The following SAMD12 variants were observed in gnomAD, a reference collection of about 807,000 sequenced individuals.
SAMD12 encodes sterile alpha motif domain containing 12, also known as sterile alpha motif domain-containing protein 12.
Under a neutral mutation model 15.0 loss-of-function variants are expected in SAMD12, and 9 were observed. The observed-to-expected ratio is 0.60, with a 90% CI of 0.36 to 1.05. The LOEUF (loss-of-function observed/expected upper bound fraction) is 1.05, where lower values mean the gene tolerates loss of function less well. Among genes scored for constraint, SAMD12 ranks in the 50% least tolerant of loss-of-function variants. The probability of loss-of-function intolerance (pLI) is 0.01; values close to 1 mark genes in which losing one functional copy is unlikely to be tolerated. For synonymous variants in SAMD12, 86 were observed against 90.1 expected (o/e 0.96, Z 0.25); for missense variants, 230 against 234.2 (o/e 0.98, Z 0.12).
At chr8:118,322,014 G>C (rs1816310432) in intron 4 of SAMD12, among the ~76,000 whole-genome samples, 1 of 152,054 alleles carries the variant, frequency 6.6e-6, no homozygotes, top group African/African-American at 2.4e-5. Flanking sequence ...CTTGCAATCT[G>C]GAAGATTATC....
chr8:118,196,190 G>A (rs1055475112), exon 5 of SAMD12: 1 of 152,212 alleles, frequency 6.6e-6, no homozygotes, highest in Non-Finnish European at 1.5e-5. Flanking sequence ...GAGACCCTGA[G>A]CGGAGGCAGA....
intron 2 of SAMD12, among the ~76,000 whole-genome samples, chr8:118,578,717 T>C (rs1045657406): frequency 6.6e-6 from 1 of 152,208 alleles, no homozygotes; most frequent in Admixed American, 6.5e-5. Flanking sequence ...ACTGTAGTAA[T>C]TTTAACTGTT....
chr8:118,534,923 T>C (rs1355362984), intron 2 of SAMD12, among the ~76,000 whole-genome samples: 3 of 152,232 alleles, frequency 2.0e-5, no homozygotes, highest in South Asian at 4.1e-4. Context: ...TTGTTTTTAC[T>C]GATATTCTGA....
At chr8:118,590,806 A>T (rs1048620610) in intron 1 of SAMD12, among the ~76,000 whole-genome samples, 1 of 152,232 alleles carries the variant, frequency 6.6e-6, no homozygotes. Context: ...CAACATCCAG[A>T]TGACAGAGAC....
At chr8:118,219,840 G>T in intron 4 of SAMD12, among the ~76,000 whole-genome samples, 1 of 152,232 alleles carries the variant, frequency 6.6e-6, no homozygotes, top group African/African-American at 2.4e-5. Flanking sequence ...GCAATGCCAT[G>T]TGAAGCTGGA....
intron 3 of SAMD12, among the ~76,000 whole-genome samples, chr8:118,399,990 T>G (rs1243755927): frequency 1.3e-5 from 2 of 152,220 alleles, no homozygotes; most frequent in African/African-American, 4.8e-5. Flanking sequence ...ATAAATCTGC[T>G]GCTAAAAATT....
intron 2 of SAMD12, among the ~76,000 whole-genome samples, chr8:118,573,242 G>A (rs1444021036): frequency 6.6e-6 from 1 of 152,028 alleles, no homozygotes; most frequent in Non-Finnish European, 1.5e-5. Flanking sequence ...CTGCCACCAT[G>A]CCAGGCTAAT....
intron 4 of SAMD12, among the ~76,000 whole-genome samples, chr8:118,327,436 A>G (rs1816618226): frequency 6.6e-6 from 1 of 152,222 alleles, no homozygotes; most frequent in Non-Finnish European, 1.5e-5. Context: ...TCCCCATGCC[A>G]TAGATACCCT....
chr8:118,179,778 G>C, the SAMD12 span, among the ~76,000 whole-genome samples: 3 of 152,114 alleles, frequency 2.0e-5, no homozygotes, highest in Non-Finnish European at 2.9e-5. Flanking sequence ...ATGCACATAC[G>C]GGACTAGGCA....
intron 4 of SAMD12, among the ~76,000 whole-genome samples, chr8:118,285,554 G>A (rs2130197807): frequency 6.6e-6 from 1 of 152,242 alleles, no homozygotes; most frequent in Non-Finnish European, 1.5e-5. Flanking sequence ...TTCAATGAAC[G>A]CCCACTATTG....
chr8:118,418,678 C>T (rs1821842151), intron 3 of SAMD12, among the ~76,000 whole-genome samples: 1 of 151,230 alleles, frequency 6.6e-6, no homozygotes, highest in African/African-American at 2.4e-5. Flanking sequence ...GAGATTGCGC[C>T]ACTGCACTCC....
chr8:118,159,901 G>A, the SAMD12 span, among the ~76,000 whole-genome samples: 4 of 151,814 alleles, frequency 2.6e-5, no homozygotes, highest in African/African-American at 7.3e-5. Flanking sequence ...TGTATTTTTA[G>A]TAGAGACAGG....
chr8:118,547,039 T>C (rs1357832993), intron 2 of SAMD12, among the ~76,000 whole-genome samples: 1 of 152,228 alleles, frequency 6.6e-6, no homozygotes, highest in African/African-American at 2.4e-5. Flanking sequence ...AGACTTTTGC[T>C]TGAGACTCAT....
chr8:118,566,455 C>A (rs1826853455), intron 2 of SAMD12, among the ~76,000 whole-genome samples: 1 of 152,126 alleles, frequency 6.6e-6, no homozygotes, highest in Admixed American at 6.5e-5. Context: ...AGAACAGAAA[C>A]CCCGTGAAGG....
chr8:118,491,826 C>T (rs1824449215), intron 2 of SAMD12, among the ~76,000 whole-genome samples: 1 of 152,126 alleles, frequency 6.6e-6, no homozygotes, highest in Non-Finnish European at 1.5e-5. Flanking sequence ...AAATACACCA[C>T]AATTTGTTGA....
chr8:118,396,400 C>T (rs536059201), intron 3 of SAMD12, among the ~76,000 whole-genome samples: 1 of 152,268 alleles, frequency 6.6e-6, no homozygotes, highest in African/African-American at 2.4e-5. Flanking sequence ...TCCATTGTTA[C>T]ACCTACTCGA....
At chr8:118,348,288 C>T (rs1471424799) in intron 4 of SAMD12, among the ~76,000 whole-genome samples, 1 of 151,964 alleles carries the variant, frequency 6.6e-6, no homozygotes. Context: ...AGGCTGGTCT[C>T]GAACTGCTGG....
rs1246733515 is a variant in SAMD12, at chr8:118,547,647, GAA to G, written c.192+33066_192+33067del. The stretch of plus-strand genomic sequence containing the variant: ...GAACTCCAGTCTTTATGGGTTTCTT[GAA>G]AGGTAGGGTGAGAGCATACTGAATC... On this transcript the variant is annotated intron_variant, in intron 2 of 3. Transcript: ENST00000314727. 4.6e-5 allele frequency among the ~76,000 whole-genome samples: 7 copies of G among 152,288 alleles called. No individual in the cohort carries two copies. In the East Asian group the frequency reaches 1.4e-3, roughly 29 times the overall value.
At chr8:118,573,872 G>A (rs940452032) in intron 2 of SAMD12, among the ~76,000 whole-genome samples, 1 of 152,148 alleles carries the variant, frequency 6.6e-6, no homozygotes, top group African/African-American at 2.4e-5. Context: ...TTTTTATTAT[G>A]TGCTGGACAC....
Sources: allele counts gnomAD v4.1 joint callset (sites outside exome capture counted in the v4.1 genomes callset), GRCh38; gene constraint gnomAD v4.1.1; transcripts MANE v1.5; gene names NCBI Gene and HGNC (gene_info 2026-07-23, HGNC 2026-07-21).